The following SESTD1 variants were observed in gnomAD, a reference collection of about 807,000 sequenced individuals.
The protein encoded by SESTD1 is SEC14 and spectrin domain containing 1, also known as SEC14 domain and spectrin repeat-containing protein 1.
In SESTD1, 43 loss-of-function variants were observed where a neutral mutation model predicts 101.7. The ratio of observed to expected loss-of-function variants is 0.42; its 90% CI spans 0.33 to 0.55. SESTD1 has a LOEUF of 0.55. Among genes scored for constraint, SESTD1 ranks in the 20% least tolerant of loss-of-function variants. The probability of loss-of-function intolerance (pLI) is 0.07; values close to 1 mark genes in which losing one functional copy is unlikely to be tolerated. For synonymous variants in SESTD1, 283 were observed against 286.8 expected (o/e 0.99, Z 0.13); for missense variants, 647 against 815.1 (o/e 0.79, Z 2.51).
chr2:179,226,161 T>A (rs1461766622), intron 1 of SESTD1, among the ~76,000 whole-genome samples: 2 of 152,226 alleles, frequency 1.3e-5, no homozygotes, highest in Non-Finnish European at 2.9e-5. Context: ...GCAATATTTT[T>A]ATTTCAAAAT....
chr2:179,253,037 TA>T (rs963481669), intron 1 of SESTD1, among the ~76,000 whole-genome samples: 1 of 152,026 alleles, frequency 6.6e-6, no homozygotes, highest in African/African-American at 2.4e-5. Flanking sequence ...AAGAGAGGCA[TA>T]AAATACATAG....
intron 10 of SESTD1, among the ~76,000 whole-genome samples, chr2:179,131,746 A>G (rs2045019003): frequency 6.6e-6 from 1 of 152,156 alleles, no homozygotes; most frequent in African/African-American, 2.4e-5. Context: ...TATTATCTAT[A>G]ATCTGCTTAA....
At chr2:179,185,718 A>ATAGTATATTATATACAATATATAATG (rs1234351428) in intron 2 of SESTD1, among the ~76,000 whole-genome samples, 1 of 118,844 alleles carries the variant, frequency 8.4e-6, no homozygotes, top group East Asian at 2.3e-4. Flanking sequence ...AATATATAAT[A>ATAGTATATTATATACAATATATAATG]TAGCATATTA....
At chr2:179,213,229 G>T (rs373687501) in intron 1 of SESTD1, among the ~76,000 whole-genome samples, 1 of 134,524 alleles carries the variant, frequency 7.4e-6, no homozygotes, top group Non-Finnish European at 1.6e-5. Context: ...CTAACCCATC[G>T]CAAGGAAGCT....
intron 9 of SESTD1, among the ~76,000 whole-genome samples, chr2:179,139,666 GT>G (rs987906077): frequency 1.3e-5 from 2 of 152,126 alleles, no homozygotes; most frequent in Non-Finnish European, 2.9e-5. Context: ...TACTGTGCCA[GT>G]TGGTTTGAAG....
chr2:179,123,952 C>G (rs2044811110), intron 11 of SESTD1, 123 bp from the exon 12 acceptor site: 2 of 680,614 alleles, frequency 2.9e-6, no homozygotes, highest in African/African-American at 1.8e-5. Context: ...TACACTGTTA[C>G]AAGACAAGGA....
Position 179,200,807 on chromosome 2 carries a change from A to T in SESTD1, c.-25-8941T>A, listed in dbSNP as rs111302928. The stretch of plus-strand genomic sequence containing the variant: ...TAAAGACTTAAACATTAGACTGAAA[A>T]CCATAAAAACCCTAGAAGAAAACCT... On this transcript the variant is annotated intron_variant, in intron 1 of 17. Coordinates refer to ENST00000428443, the MANE Select transcript of SESTD1 (RefSeq NM_178123.5). 4.4e-5 allele frequency among the ~76,000 whole-genome samples: 6 copies of T among 135,168 alleles called. No homozygotes were observed. The East Asian group carries it at 1.2e-3, about 27-fold the overall frequency. The allele number at this position is 135,168 out of a possible 152,430, so 88.7% of individuals were successfully genotyped here.
chr2:179,248,109 G>T lies in SESTD1; in HGVS notation c.-26+16390C>A, dbSNP rs183296377. On this transcript the variant is annotated intron_variant, in intron 1 of 17. Coordinates refer to ENST00000428443, the MANE Select transcript of SESTD1 (RefSeq NM_178123.5). ...GACACAGATTACCAGTATCTGGAATGCAACAGAGATCTCATGGCAGACTCT... is the reference window on the plus strand; with the variant it reads ...GACACAGATTACCAGTATCTGGAATTCAACAGAGATCTCATGGCAGACTCT... Among the ~76,000 whole-genome samples the T allele has an allele frequency of 1.4e-3, 220 of 151,982 alleles. 1 individual carries two copies. The highest frequency in any genetic ancestry group is 5.1e-3 in the African/African-American group (210 of 41,458).
chr2:179,137,021 G>C (rs1559107594), intron 9 of SESTD1, among the ~76,000 whole-genome samples: 1 of 152,066 alleles, frequency 6.6e-6, no homozygotes, highest in Non-Finnish European at 1.5e-5. Flanking sequence ...TGATGCCCCA[G>C]TAAACAAGTC....
At position 179,107,343 on chromosome 2, in the gene SESTD1, C is replaced by G. The variant is rs1448612220; in HGVS notation, c.*2556G>C. The G allele has an allele frequency of 6.6e-6, 1 of 152,112 alleles. No homozygotes were observed. Among genetic ancestry groups the G allele is most frequent in the African/African-American group, 2.4e-5 (1 of 41,430 alleles). The allele number at this position is 152,112 out of a possible 1,614,324, so 9.4% of individuals were successfully genotyped here. A position where few individuals can be genotyped will look rare whatever the true frequency, so the allele number is the denominator to read the frequency against. On this transcript the variant is annotated 3_prime_UTR_variant, in exon 18 of 18. Transcript: ENST00000428443. The stretch of plus-strand genomic sequence containing the variant: ...CATACTTGGCCTCATGTGAAACACT[C>G]AATTTACAAGTAACATTTATGAATC...
chr2:179,176,810 A>G (rs2046020110), intron 3 of SESTD1, among the ~76,000 whole-genome samples: 1 of 152,214 alleles, frequency 6.6e-6, no homozygotes, highest in South Asian at 2.1e-4. Flanking sequence ...CTTAAAAAGT[A>G]AAGACATCAA....
chr2:179,135,914 C>T (rs1299960726), intron 9 of SESTD1, among the ~76,000 whole-genome samples: 1 of 152,184 alleles, frequency 6.6e-6, no homozygotes, highest in African/African-American at 2.4e-5. Flanking sequence ...TTATCAGATG[C>T]TCTTTAGAGT....
chr2:179,182,477 C>T (rs920373703), intron 3 of SESTD1, among the ~76,000 whole-genome samples: 11 of 152,094 alleles, frequency 7.2e-5, no homozygotes, highest in African/African-American at 2.7e-4. Context: ...AATACGCAGT[C>T]ACAGTTGTGC....
At chr2:179,198,562 T>A (rs2046444337) in intron 1 of SESTD1, among the ~76,000 whole-genome samples, 1 of 151,688 alleles carries the variant, frequency 6.6e-6, no homozygotes, top group Non-Finnish European at 1.5e-5. Context: ...GAAGTACAGC[T>A]CTCCTCAGCA....
At chr2:179,226,624 T>C (rs1274137470) in intron 1 of SESTD1, among the ~76,000 whole-genome samples, 4 of 152,234 alleles carry the variant, frequency 2.6e-5, no homozygotes, top group Non-Finnish European at 4.4e-5. Flanking sequence ...AATCAATAAA[T>C]GTCATATTGC....
At chr2:179,144,644 A>ATCT (rs2045355515) in intron 8 of SESTD1, among the ~76,000 whole-genome samples, 1 of 152,102 alleles carries the variant, frequency 6.6e-6, no homozygotes, top group African/African-American at 2.4e-5. Context: ...TTCCTTATTT[A>ATCT]GAATAATATC....
intron 1 of SESTD1, among the ~76,000 whole-genome samples, chr2:179,198,239 T>A (rs990944698): frequency 3.3e-5 from 5 of 152,144 alleles, no homozygotes; most frequent in African/African-American, 1.2e-4. Context: ...AGGGATCAAT[T>A]CAACAAGAAG....
At position 179,194,040 on chromosome 2, in the gene SESTD1, GC is replaced by G. The variant is rs1293804717; in HGVS notation, c.-25-2175del. On this transcript the variant is annotated intron_variant, in intron 1 of 17. Coordinates refer to ENST00000428443, the MANE Select transcript of SESTD1 (RefSeq NM_178123.5). ...TGAATGTGCATGACTATATTCTCTGGCCCCACTGGCTCTTTTGACATTTTGG... is the reference window on the plus strand; with the variant it reads ...TGAATGTGCATGACTATATTCTCTGGCCCACTGGCTCTTTTGACATTTTGG... 2.0e-5 allele frequency among the ~76,000 whole-genome samples: 3 copies of G among 151,982 alleles called. 1 individual carries two copies. Among genetic ancestry groups the G allele is most frequent in the South Asian group, 4.2e-4 (2 of 4,814 alleles).
chr2:179,241,321 C>A (rs975546783), intron 1 of SESTD1, among the ~76,000 whole-genome samples: 4 of 152,018 alleles, frequency 2.6e-5, no homozygotes, highest in African/African-American at 7.2e-5. Flanking sequence ...GGGCTAAAAA[C>A]TTCCCCAATT....
Sources: gnomAD v4.1 joint callset for allele counts (sites outside exome capture counted in the v4.1 genomes callset) on GRCh38, gnomAD v4.1.1 for gene constraint, MANE v1.5 for transcripts, NCBI Gene and HGNC (gene_info 2026-07-23, HGNC 2026-07-21) for gene names.